Variants in FANK1 observed in about 807,000 individuals in gnomAD.
FANK1 encodes the protein fibronectin type 3 and ankyrin repeat domains protein 1.
FANK1 carries 44 observed loss-of-function variants against 45.3 expected under a neutral mutation model. The observed-to-expected ratio is 0.97, with a 90% CI of 0.76 to 1.25. FANK1 has a LOEUF of 1.25. Ranked by LOEUF, FANK1 falls within the 50% of genes most tolerant of loss-of-function variation. FANK1 has a pLI of 0.00. For synonymous variants in FANK1, 149 were observed against 152.5 expected, an observed-to-expected ratio of 0.98 and a Z score of 0.17; for missense variants, 391 against 424.4, an observed-to-expected ratio of 0.92 and a Z score of 0.69.
chr10:125,988,035 T>A (rs1271279439), intron 2 of FANK1, among the ~76,000 whole-genome samples: 1 of 152,248 alleles, frequency 6.6e-6, no homozygotes, highest in African/African-American at 2.4e-5. Flanking sequence ...TTGTCTTCTA[T>A]GTGCTGCCTG....
rs61703918 is a variant in FANK1 at position 125,983,837 on chromosome 10, T to C, written c.191+3499T>C. Reference sequence around the variant, plus strand: ...TGGAGATTGTGAAGCTGAGAAGAGGTGTGATCCGGCTTATGTTTTACGAGG... The same window carrying C: ...TGGAGATTGTGAAGCTGAGAAGAGGCGTGATCCGGCTTATGTTTTACGAGG... On this transcript the variant is annotated intron_variant, in intron 2 of 10. Transcript: ENST00000368693. This position sits in a 1 kb window ranked among gnomAD's most constrained non-coding sequence, Gnocchi z 4.3. Among the ~76,000 whole-genome samples, 2,534 of 151,118 alleles carry C rather than the reference T, an allele frequency of 0.017. 75 individuals are homozygous for C. The highest frequency in any genetic ancestry group is 0.056 in the African/African-American group (2,295 of 41,060).
At chr10:125,960,557 C>T (rs1239455841) in intron 1 of FANK1, among the ~76,000 whole-genome samples, 7 of 152,230 alleles carry the variant, frequency 4.6e-5, no homozygotes, top group South Asian at 2.1e-4. Flanking sequence ...GATGGAATCT[C>T]GCTCTGTTGC....
At chr10:125,971,248 C>T (rs1272502590) in intron 1 of FANK1, among the ~76,000 whole-genome samples, 2 of 152,082 alleles carry the variant, frequency 1.3e-5, no homozygotes, top group African/African-American at 4.8e-5. Flanking sequence ...CCTAATGCAG[C>T]ATTTGACTGG....
chr10:126,004,704 G>T, intron 6 of FANK1, 180 bp from the exon 7 acceptor site: 1 of 593,382 alleles, frequency 1.7e-6, no homozygotes, highest in Non-Finnish European at 3.0e-6. Context: ...ATATTCCATT[G>T]TATGGATATA....
At chr10:125,968,309 A>G (rs1950300065) in intron 1 of FANK1, among the ~76,000 whole-genome samples, 1 of 152,172 alleles carries the variant, frequency 6.6e-6, no homozygotes, top group South Asian at 2.1e-4. Flanking sequence ...TGATCAAGCC[A>G]TGATAAACTG....
At chr10:125,936,045 A>C (rs1056158281) in intron 1 of FANK1, among the ~76,000 whole-genome samples, 1 of 152,246 alleles carries the variant, frequency 6.6e-6, no homozygotes, top group Non-Finnish European at 1.5e-5. Context: ...AGCATGGTAC[A>C]TATTGCTGGA....
At chr10:126,008,298 C>T (rs907765369) in intron 7 of FANK1, 109 bp from the exon 8 acceptor site, 35 of 1,388,556 alleles carry the variant, frequency 2.5e-5, no homozygotes, top group Middle Eastern at 2.2e-4. Context: ...TATAGAAAGA[C>T]GGCTATCTAA....
intron 1 of FANK1, among the ~76,000 whole-genome samples, chr10:125,961,269 G>A (rs1331496229): frequency 3.3e-5 from 5 of 152,084 alleles, no homozygotes; most frequent in African/African-American, 1.2e-4. Flanking sequence ...ACCATGCCTA[G>A]CTAACTTTTA....
At chr10:125,905,860 C>G (rs572532406) in intron 1 of FANK1, among the ~76,000 whole-genome samples, 1 of 152,428 alleles carries the variant, frequency 6.6e-6, no homozygotes, top group African/African-American at 2.4e-5. Context: ...GAGTTCAAGG[C>G]TGTTTACTGA....
At chr10:125,985,514 T>A (rs1256651346) in intron 2 of FANK1, among the ~76,000 whole-genome samples, 2 of 152,220 alleles carry the variant, frequency 1.3e-5, no homozygotes, top group Non-Finnish European at 2.9e-5. Flanking sequence ...GGTAAATGTG[T>A]TTATATCAAT....
At chr10:125,959,244 C>CAT (rs1485471775) in intron 1 of FANK1, among the ~76,000 whole-genome samples, 1 of 151,082 alleles carries the variant, frequency 6.6e-6, no homozygotes, top group Non-Finnish European at 1.5e-5. Context: ...TAAAAATCCA[C>CAT]ACACACACAC....
chr10:125,988,108 G>C (rs1280197760), intron 2 of FANK1, among the ~76,000 whole-genome samples: 1 of 152,190 alleles, frequency 6.6e-6, no homozygotes, highest in Non-Finnish European at 1.5e-5. Flanking sequence ...GACTTCTTCA[G>C]GTCCTTTCCC....
chr10:125,945,890 G>T (rs560222992), intron 1 of FANK1, among the ~76,000 whole-genome samples: 3 of 152,182 alleles, frequency 2.0e-5, no homozygotes, highest in African/African-American at 7.2e-5. Context: ...CTCCCAGCAC[G>T]CAGCTGGAGA....
At chr10:125,997,691 G>A (rs1564963249) in intron 6 of FANK1, among the ~76,000 whole-genome samples, 1 of 152,196 alleles carries the variant, frequency 6.6e-6, no homozygotes, top group Non-Finnish European at 1.5e-5. Context: ...GGTGCTTAGG[G>A]GGGCATCTGT....
intron 1 of FANK1, among the ~76,000 whole-genome samples, chr10:125,945,997 C>G (rs1564899373): frequency 1.3e-5 from 2 of 152,322 alleles, no homozygotes; most frequent in African/African-American, 2.4e-5. Context: ...AGCAGGGGCA[C>G]ACTGACACCT....
chr10:126,009,026 G>GCACA (rs1173798905), intron 8 of FANK1, 28 bp from the exon 9 acceptor site: 11 of 1,610,474 alleles, frequency 6.8e-6, no homozygotes, highest in Non-Finnish European at 9.3e-6. Flanking sequence ...AGAAGCTCAT[G>GCACA]CACACCACCC....
At chr10:125,937,205 G>T (rs1948161483) in intron 1 of FANK1, among the ~76,000 whole-genome samples, 1 of 152,166 alleles carries the variant, frequency 6.6e-6, no homozygotes, top group African/African-American at 2.4e-5. Context: ...ACTGACTTTG[G>T]CTAGATATTG....
intron 1 of FANK1, among the ~76,000 whole-genome samples, chr10:125,907,283 ATTAG>A (rs1945604647): frequency 6.6e-6 from 1 of 152,192 alleles, no homozygotes; most frequent in Admixed American, 6.5e-5. Flanking sequence ...CTTGTGCCTA[ATTAG>A]TTAGGCACAA....
At chr10:125,909,163 G>T (rs1472748936) in intron 1 of FANK1, among the ~76,000 whole-genome samples, 1 of 152,168 alleles carries the variant, frequency 6.6e-6, no homozygotes, top group Non-Finnish European at 1.5e-5. Flanking sequence ...TTCACCCAGG[G>T]TGAGCAAGGT....
Sources: allele counts gnomAD v4.1 joint callset (sites outside exome capture counted in the v4.1 genomes callset), GRCh38; gene constraint gnomAD v4.1.1; non-coding constraint Gnocchi (gnomAD v3.1); transcripts MANE v1.5; gene names NCBI Gene and HGNC (gene_info 2026-07-23, HGNC 2026-07-21).